The following FTO variants were observed in gnomAD, a reference collection of about 807,000 sequenced individuals.
The protein encoded by FTO is alpha-ketoglutarate-dependent dioxygenase FTO.
In FTO, 47 loss-of-function variants were observed where a neutral mutation model predicts 63.9. The observed-to-expected ratio is 0.74, with a 90% CI of 0.58 to 0.94. The LOEUF (loss-of-function observed/expected upper bound fraction) is 0.94, where lower values mean the gene tolerates loss of function less well. Ranked by LOEUF, FTO falls within the 40% of genes least tolerant of loss-of-function variation. The pLI, the probability that FTO is intolerant of heterozygous loss-of-function variation, is 0.00. For missense variants in FTO, 562 were observed against 618.1 expected (o/e 0.91, Z 0.96); for synonymous variants, 207 against 224.4 (o/e 0.92, Z 0.69).
At chr16:53,932,783 C>G (rs1340989034) in intron 7 of FTO, among the ~76,000 whole-genome samples, 1 of 152,158 alleles carries the variant, frequency 6.6e-6, no homozygotes, top group Non-Finnish European at 1.5e-5. Flanking sequence ...TCGGAAAGTT[C>G]TGGAAACTAG....
At chr16:53,972,833 T>C (rs1336875605) in intron 8 of FTO, among the ~76,000 whole-genome samples, 1 of 152,164 alleles carries the variant, frequency 6.6e-6, no homozygotes, top group Non-Finnish European at 1.5e-5. Context: ...GCAGGGAAAT[T>C]CTCTTAATGG....
At chr16:53,797,612 T>G (rs1398198206) in intron 1 of FTO, among the ~76,000 whole-genome samples, 1 of 152,220 alleles carries the variant, frequency 6.6e-6, no homozygotes, top group African/African-American at 2.4e-5. Flanking sequence ...TTTGGGTTGT[T>G]TCCAGTTTTG....
intron 8 of FTO, chr16:53,981,726 A>G (rs542682256): frequency 2.0e-5 from 3 of 152,408 alleles, no homozygotes; most frequent in East Asian, 3.9e-4. Flanking sequence ...CCTGGCCAAC[A>G]TGATGAAACC....
intron 1 of FTO, among the ~76,000 whole-genome samples, chr16:53,782,059 C>T (rs1008511880): frequency 1.3e-5 from 2 of 151,982 alleles, no homozygotes; most frequent in African/African-American, 4.8e-5. Flanking sequence ...GTTATGGAAC[C>T]CTCTCCCCAG....
intron 7 of FTO, among the ~76,000 whole-genome samples, chr16:53,890,344 A>G (rs1474280186): frequency 6.6e-6 from 1 of 152,216 alleles, no homozygotes; most frequent in Admixed American, 6.5e-5. Flanking sequence ...ACCTTCATGA[A>G]ACCATCACAG....
chr16:53,719,690 T>C (rs2075992294), intron 1 of FTO, among the ~76,000 whole-genome samples: 1 of 151,736 alleles, frequency 6.6e-6, no homozygotes, highest in South Asian at 2.1e-4. Context: ...AATTCATTAA[T>C]TTCTACCTTT....
intron 3 of FTO, among the ~76,000 whole-genome samples, chr16:53,828,262 C>G (rs2079060732): frequency 6.6e-6 from 1 of 152,058 alleles, no homozygotes; most frequent in Admixed American, 6.5e-5. Context: ...CTCTGTCGCC[C>G]AGGCTGGAGT....
intron 4 of FTO, among the ~76,000 whole-genome samples, chr16:53,855,886 T>G (rs1261029400): frequency 2.6e-5 from 4 of 152,208 alleles, no homozygotes; most frequent in African/African-American, 9.6e-5. Context: ...ATGTGTTGGT[T>G]TCTTTTAGGC....
At chr16:53,920,283 T>A (rs1422164539) in intron 7 of FTO, among the ~76,000 whole-genome samples, 2 of 149,740 alleles carry the variant, frequency 1.3e-5, no homozygotes, top group Non-Finnish European at 2.9e-5. Flanking sequence ...CCAGAGAGGA[T>A]AAGTAACTTG....
At chr16:53,876,156 C>T (rs2080644484) in intron 5 of FTO, among the ~76,000 whole-genome samples, 1 of 152,150 alleles carries the variant, frequency 6.6e-6, no homozygotes, top group African/African-American at 2.4e-5. Flanking sequence ...AAGTCTCTTT[C>T]TCCTCAGGCC....
chr16:53,726,365 A>T (rs2076153640), intron 1 of FTO, among the ~76,000 whole-genome samples: 1 of 152,182 alleles, frequency 6.6e-6, no homozygotes, highest in Non-Finnish European at 1.5e-5. Flanking sequence ...TTTCCTAGAA[A>T]ATCTGTATCC....
At chr16:53,739,117 G>T (rs776985844) in intron 1 of FTO, among the ~76,000 whole-genome samples, 1 of 152,282 alleles carries the variant, frequency 6.6e-6, no homozygotes, top group Admixed American at 6.5e-5. Context: ...GTGAGCCATC[G>T]CAATCTGGCC....
chr16:53,761,402 T>C (rs531358901), intron 1 of FTO, among the ~76,000 whole-genome samples: 9 of 152,270 alleles, frequency 5.9e-5, no homozygotes, highest in African/African-American at 1.9e-4. Context: ...GCACCCAGTA[T>C]ATTGTTTTAA....
chr16:53,995,792 G>A (rs1210789649), intron 8 of FTO, among the ~76,000 whole-genome samples: 2 of 152,138 alleles, frequency 1.3e-5, no homozygotes, highest in Non-Finnish European at 2.9e-5. Flanking sequence ...GCCTGAGATG[G>A]TAAATCACGC....
intron 8 of FTO, among the ~76,000 whole-genome samples, chr16:53,987,018 G>A (rs986443049): frequency 1.3e-5 from 2 of 152,016 alleles, no homozygotes; most frequent in South Asian, 4.1e-4. Context: ...TGTTTTACAT[G>A]CATGTAATAC....
chr16:53,736,207 A>G (rs1198923026), intron 1 of FTO, among the ~76,000 whole-genome samples: 3 of 152,174 alleles, frequency 2.0e-5, no homozygotes, highest in Non-Finnish European at 4.4e-5. Flanking sequence ...CATTGTACTG[A>G]GAACCCTGTA....
At chr16:53,765,568 A>AG (rs1313206344) in intron 1 of FTO, among the ~76,000 whole-genome samples, 3 of 151,744 alleles carry the variant, frequency 2.0e-5, no homozygotes, top group African/African-American at 7.3e-5. Context: ...AAAAAAAAAA[A>AG]AAAAGAAAGT....
intron 8 of FTO, among the ~76,000 whole-genome samples, chr16:53,961,039 C>T (rs1872825987): frequency 6.6e-6 from 1 of 152,138 alleles, no homozygotes; most frequent in Admixed American, 6.5e-5. Flanking sequence ...AATGATTGCT[C>T]TCTTCACCCC....
intron 8 of FTO, among the ~76,000 whole-genome samples, chr16:54,077,170 A>G (rs568682021): frequency 6.6e-6 from 1 of 152,224 alleles, no homozygotes; most frequent in Non-Finnish European, 1.5e-5. Flanking sequence ...TTGTGCCTGA[A>G]TAAGATAAGC....
Sources: allele counts gnomAD v4.1 joint callset (sites outside exome capture counted in the v4.1 genomes callset), GRCh38; gene constraint gnomAD v4.1.1; transcripts MANE v1.5; gene names NCBI Gene and HGNC (gene_info 2026-07-23, HGNC 2026-07-21).